Variants in STXBP2 observed in about 807,000 individuals in gnomAD.
STXBP2 encodes the protein syntaxin binding protein 2.
STXBP2 carries 47 observed loss-of-function variants against 72.2 expected under a neutral mutation model. That is an observed-to-expected ratio of 0.65 (90% CI 0.51 to 0.83). The LOEUF (loss-of-function observed/expected upper bound fraction) is 0.83, where lower values mean the gene tolerates loss of function less well. Among genes scored for constraint, STXBP2 ranks in the 40% least tolerant of loss-of-function variants. The pLI, the probability that STXBP2 is intolerant of heterozygous loss-of-function variation, is 0.00. For synonymous variants in STXBP2, 367 were observed against 338.7 expected, an observed-to-expected ratio of 1.08 and a Z score of -0.92; for missense variants, 702 against 807.6, an observed-to-expected ratio of 0.87 and a Z score of 1.58.
At chr19:7,646,039 C>G (rs1392754813) in intron 15 of STXBP2, 1 of 597,832 alleles carries the variant, frequency 1.7e-6, no homozygotes, top group Non-Finnish European at 3.0e-6. Flanking sequence ...GGCTCGCTCT[C>G]TCTCCCTTTG....
At chr19:7,639,894 G>T (rs1202430007) in intron 4 of STXBP2, 87 bp downstream of exon 4, 1 of 1,400,314 alleles carries the variant, frequency 7.1e-7, no homozygotes, top group Admixed American at 1.9e-5. Context: ...GTGATTGCAT[G>T]TGTGCATGTG....
intron 16 of STXBP2, 84 bp downstream of exon 16, chr19:7,646,428 C>G: frequency 7.9e-7 from 1 of 1,261,970 alleles, no homozygotes; most frequent in Non-Finnish European, 1.1e-6. Flanking sequence ...TGCTAAGCCT[C>G]AGGGCTTAGG....
At position 7,640,497 on chromosome 19, in the gene STXBP2, C is replaced by T. The variant is rs758889786; in HGVS notation, c.247-234C>T. The T allele has an allele frequency of 3.3e-3, 2,171 of 660,090 alleles. 33 individuals are homozygous for T. In the African/African-American group the frequency reaches 0.037, roughly 11 times the overall value. 40.9% of individuals were successfully genotyped at this position (660,090 alleles called of 1,614,324 possible). ...GTGTGCATGTGTGTATGTGTGTGTGCATCTGTGTGTGTGTGCATGTGTGCA... is the reference window on the plus strand; with the variant it reads ...GTGTGCATGTGTGTATGTGTGTGTGTATCTGTGTGTGTGTGCATGTGTGCA... On this transcript the variant is annotated intron_variant, in intron 4 of 18. Transcript: ENST00000221283.
At chr19:7,638,229 G>C (rs923436408) in intron 1 of STXBP2, among the ~76,000 whole-genome samples, 7 of 152,250 alleles carry the variant, frequency 4.6e-5, no homozygotes, top group African/African-American at 1.7e-4. Flanking sequence ...GCGTAGGTGA[G>C]TTACATGTTG....
chr19:7,642,471 C>G lies in STXBP2; in HGVS notation c.837C>G (p.Val279=), dbSNP rs756644168. 6.2e-7 allele frequency: 1 copy of G among 1,614,078 alleles called. No homozygotes were observed. The highest frequency in any genetic ancestry group is 8.5e-7 in the Non-Finnish European group (1 of 1,180,038). Reference sequence around the variant, plus strand: ...TGAGCGAGGCGCGGGAGAAGGCCGTCTTGCTGGACGAGGACGATGACTTGT... The same window carrying G: ...TGAGCGAGGCGCGGGAGAAGGCCGTGTTGCTGGACGAGGACGATGACTTGT... ...TGLSEAREKA[V]LLDEDDDLWV... Residue 279 remains valine, a synonymous_variant, in exon 10 of 19, where the codon GTC becomes GTG. Coordinates refer to ENST00000221283, the MANE Select transcript of STXBP2 (RefSeq NM_006949.4). This position sits in a 1 kb window ranked among gnomAD's most constrained non-coding sequence, Gnocchi z 6.0.
rs1265788012 is a variant in STXBP2 at position 7,646,266 on chromosome 19, C to T, written c.1374C>T (p.Ser458=). The T allele has an allele frequency of 9.3e-6, 15 of 1,607,918 alleles. No homozygotes were observed. Among genetic ancestry groups the T allele is most frequent in the East Asian group, 2.2e-5 (1 of 44,604 alleles). The change falls in exon 16 of 19, where the codon AGC becomes AGT. Residue 458 remains serine, a synonymous_variant. Coordinates refer to ENST00000221283, the MANE Select transcript of STXBP2 (RefSeq NM_006949.4). ...VTNPGGSGTS[S]RLEPRERMEP... ...GCCTGTAGGGCTCGGGGACCTCCAG[C>T]CGGCTGGAGCCGAGAGAACGCATGG...
chr19:7,632,702 G>T (rs771505343), upstream of STXBP2: 1 of 1,552,442 alleles, frequency 6.4e-7, no homozygotes, highest in South Asian at 1.2e-5. This position sits in a 1 kb window ranked among gnomAD's most constrained non-coding sequence, Gnocchi z 5.2. Context: ...CAGCACCCCC[G>T]TGCCCATGCT....
chr19:7,635,288 A>G (rs79588320), upstream of STXBP2, among the ~76,000 whole-genome samples: 1,430 of 152,262 alleles, frequency 9.4e-3, 24 homozygotes, highest in African/African-American at 0.031. Context: ...ATGTTCTAAA[A>G]TGGATTGTGG....
chr19:7,644,488 G>A (rs967627771), intron 13 of STXBP2, 126 bp from the exon 14 acceptor site: 178 of 1,313,900 alleles, frequency 1.4e-4, no homozygotes, highest in Non-Finnish European at 1.8e-4. Flanking sequence ...TGAGAGACCT[G>A]GTGCTGAGAT....
chr19:7,643,316 G>T, intron 13 of STXBP2, 71 bp downstream of exon 13: 3 of 1,366,780 alleles, frequency 2.2e-6, no homozygotes, highest in Non-Finnish European at 3.1e-6. Flanking sequence ...GGGCTGAACT[G>T]TAGAGATGGG....
At chr19:7,640,688 A>T (rs2031831759) in intron 4 of STXBP2, 43 bp from the exon 5 acceptor site, 2 of 1,612,638 alleles carry the variant, frequency 1.2e-6, no homozygotes, top group Non-Finnish European at 1.7e-6. Context: ...CAATGAGCCT[A>T]GGTGTGCAGG....
chr19:7,631,023 A>G, the STXBP2 span: 1 of 832,892 alleles, frequency 1.2e-6, no homozygotes, highest in East Asian at 2.7e-5. Context: ...AGCCTGGCCA[A>G]CATGGCGAAA....
the STXBP2 span, chr19:7,631,790 C>G: frequency 7.0e-7 from 1 of 1,422,114 alleles, no homozygotes; most frequent in East Asian, 2.6e-5. Flanking sequence ...AGGGTCCCAG[C>G]TCGTTTCTGT....
At chr19:7,633,100 C>A (rs2031400207), upstream of STXBP2, 2 of 1,141,662 alleles carry the variant, frequency 1.8e-6, no homozygotes, top group Admixed American at 5.9e-5. Flanking sequence ...GCGTGTCCCG[C>A]CGTCCTAGAT....
At chr19:7,632,875 G>A, upstream of STXBP2, 1 of 1,533,728 alleles carries the variant, frequency 6.5e-7, no homozygotes, top group Non-Finnish European at 8.8e-7. This position sits in a 1 kb window ranked among gnomAD's most constrained non-coding sequence, Gnocchi z 5.2. Context: ...CAGCTTGGGG[G>A]CCCCTCCCCA....
At chr19:7,634,494 G>C (rs574334289), upstream of STXBP2, among the ~76,000 whole-genome samples, 1 of 152,188 alleles carries the variant, frequency 6.6e-6, no homozygotes, top group African/African-American at 2.4e-5. Context: ...CCAGAACAAA[G>C]TGTCATAGAC....
rs2031891777 is a variant in STXBP2 at position 7,641,830 on chromosome 19, G to A, written c.555G>A (p.Glu185=). 1 of 1,553,068 alleles carries A rather than the reference G, an allele frequency of 6.4e-7. No individual in the cohort carries two copies. Among genetic ancestry groups the A allele is most frequent in the African/African-American group, 1.4e-5 (1 of 73,074 alleles). The change falls in exon 7 of 19, where the codon GAG becomes GAA. Residue 185 remains glutamate (E), a synonymous_variant. Coordinates refer to ENST00000221283, the MANE Select transcript of STXBP2 (RefSeq NM_006949.4). The stretch of plus-strand genomic sequence containing the variant: ...CCACGCTGTGCGCCACCCTGCAGGA[G>A]TACCCGGCCATCCGCTACCGCAAGT... ...QIATLCATLQ[E]YPAIRYRKGP... is the part of the protein sequence containing the mutation.
rs535372251 is a variant in STXBP2 at position 7,641,836 on chromosome 19, G to A, written c.561G>A (p.Pro187=). The A allele has an allele frequency of 3.7e-5, 58 of 1,553,832 alleles. No individual in the cohort carries two copies. In the African/African-American group the frequency reaches 5.5e-4, roughly 15 times the overall value. ...TGTGCGCCACCCTGCAGGAGTACCC[G>A]GCCATCCGCTACCGCAAGTGGGGAC... is the stretch of plus-strand genomic sequence containing the variant. The part of the protein sequence containing the change: ...ATLCATLQEY[P]AIRYRKGPED... The change falls in exon 7 of 19, where the codon CCG becomes CCA. Residue 187 remains proline, a synonymous_variant. Coordinates refer to ENST00000221283, the MANE Select transcript of STXBP2 (RefSeq NM_006949.4).
At chr19:7,633,465 G>A (rs1380481862), upstream of STXBP2, 3 of 1,573,884 alleles carry the variant, frequency 1.9e-6, no homozygotes, top group Non-Finnish European at 2.6e-6. Context: ...CATGTCCCTG[G>A]ACTCCAGTCA....
Sources: allele counts gnomAD v4.1 joint callset (sites outside exome capture counted in the v4.1 genomes callset), GRCh38; gene constraint gnomAD v4.1.1; non-coding constraint Gnocchi (gnomAD v3.1); transcripts MANE v1.5; gene names NCBI Gene and HGNC (gene_info 2026-07-23, HGNC 2026-07-21).